RBMS3: variants seen among roughly 807,000 people sequenced by gnomAD.
RBMS3 encodes RNA-binding motif, single-stranded-interacting protein 3.
In RBMS3, 27 loss-of-function variants were observed where a neutral mutation model predicts 66.8. The observed-to-expected ratio is 0.40, with a 90% CI of 0.30 to 0.56. The LOEUF (loss-of-function observed/expected upper bound fraction) is 0.56, where lower values mean the gene tolerates loss of function less well. Among genes scored for constraint, RBMS3 ranks in the 20% least tolerant of loss-of-function variants. The probability of loss-of-function intolerance (pLI) is 0.40; values close to 1 mark genes in which losing one functional copy is unlikely to be tolerated. For synonymous variants in RBMS3, 188 were observed against 183.0 expected (o/e 1.03, Z -0.22); for missense variants, 513 against 549.5 (o/e 0.93, Z 0.66).
chr3:29,688,968 T>G (rs1334590649), intron 4 of RBMS3, among the ~76,000 whole-genome samples: 2 of 152,074 alleles, frequency 1.3e-5, no homozygotes, highest in Non-Finnish European at 2.9e-5. Flanking sequence ...GATTATGATT[T>G]GGCCTTTGCA....
At chr3:29,646,728 C>G (rs1275220470) in intron 4 of RBMS3, among the ~76,000 whole-genome samples, 2 of 151,042 alleles carry the variant, frequency 1.3e-5, no homozygotes, top group African/African-American at 4.9e-5. Context: ...CCCTTCCCTT[C>G]CCTGTCTCCT....
In RBMS3 at chr3:29,578,838, A is replaced by C. The variant is rs1008537392; in HGVS notation, c.308-8276A>C. ...GAGACGGAGTCTCGCTCTGTCGCCC[A>C]GGTCGGACTGCGGACTGCAGTGGCG... is the stretch of plus-strand genomic sequence containing the variant. On this transcript the variant is annotated intron_variant, in intron 3 of 14. Transcript: ENST00000383767. 5.9e-5 allele frequency among the ~76,000 whole-genome samples: 6 copies of C among 102,090 alleles called. 1 individual carries two copies. In the East Asian group the frequency reaches 3.3e-3, roughly 57 times the overall value. 67.0% of individuals were successfully genotyped at this position (102,090 alleles called of 152,430 possible). A position where few individuals can be genotyped will look rare whatever the true frequency, so the allele number is the denominator to read the frequency against.
chr3:29,922,010 C>G (rs527943713), intron 10 of RBMS3, among the ~76,000 whole-genome samples: 7 of 152,232 alleles, frequency 4.6e-5, no homozygotes, highest in Non-Finnish European at 8.8e-5. Flanking sequence ...GTGGTAGTAG[C>G]ATCACCCAGT....
At chr3:29,587,887 T>TCCC in intron 4 of RBMS3, among the ~76,000 whole-genome samples, 1 of 152,084 alleles carries the variant, frequency 6.6e-6, no homozygotes, top group Non-Finnish European at 1.5e-5. Context: ...TGTAATGTAT[T>TCCC]TTATTATCTA....
At chr3:29,775,594 T>TATC (rs2056401292) in intron 6 of RBMS3, among the ~76,000 whole-genome samples, 2 of 152,066 alleles carry the variant, frequency 1.3e-5, no homozygotes, top group South Asian at 4.1e-4. Context: ...GGAGCTGTGT[T>TATC]ATCATCATAA....
chr3:29,787,030 G>A (rs756144388), intron 6 of RBMS3, among the ~76,000 whole-genome samples: 1 of 152,002 alleles, frequency 6.6e-6, no homozygotes, highest in Non-Finnish European at 1.5e-5. Flanking sequence ...GACATGAATA[G>A]ACAATTCTCA....
intron 4 of RBMS3, among the ~76,000 whole-genome samples, chr3:29,720,802 C>T (rs2149320439): frequency 6.6e-6 from 1 of 151,968 alleles, no homozygotes; most frequent in South Asian, 2.1e-4. Flanking sequence ...CGGTCAACGA[C>T]ACTGTCTGTG....
intron 1 of RBMS3, among the ~76,000 whole-genome samples, chr3:29,330,547 T>C (rs570831525): frequency 1.3e-5 from 2 of 152,106 alleles, no homozygotes; most frequent in Non-Finnish European, 2.9e-5. Flanking sequence ...CCATTCTGGG[T>C]GGGTATCTAT....
At chr3:29,609,924 T>C (rs2048438404) in intron 4 of RBMS3, among the ~76,000 whole-genome samples, 1 of 152,080 alleles carries the variant, frequency 6.6e-6, no homozygotes, top group South Asian at 2.1e-4. Flanking sequence ...ATTATTAATA[T>C]ACATTTGCTT....
At chr3:29,981,032 T>G (rs1185621339) in intron 12 of RBMS3, among the ~76,000 whole-genome samples, 1 of 152,236 alleles carries the variant, frequency 6.6e-6, no homozygotes, top group Non-Finnish European at 1.5e-5. Flanking sequence ...AATATGGCTA[T>G]TTTCATGATA....
Position 30,003,967 on chromosome 3 carries a change from TTTGTTG to T in RBMS3, c.*117_*122del, listed in dbSNP as rs200049589. 3.0e-5 allele frequency: 31 copies of T among 1,024,992 alleles called. No individual in the cohort carries two copies. In the East Asian group the frequency reaches 8.6e-4, roughly 28 times the overall value. 63.5% of individuals were successfully genotyped at this position (1,024,992 alleles called of 1,614,324 possible). A position where few individuals can be genotyped will look rare whatever the true frequency, so the allele number is the denominator to read the frequency against. On this transcript the variant is annotated 3_prime_UTR_variant, in exon 15 of 15. Coordinates refer to ENST00000383767, the MANE Select transcript of RBMS3 (RefSeq NM_001003793.3). ...CACAGACGTCAATGGAATGCATTTTTTTGTTGTTGTTGTTGTTTTTTTTTTAGTGTT... is the reference window on the plus strand; with the variant it reads ...CACAGACGTCAATGGAATGCATTTTTTTGTTGTTGTTTTTTTTTTAGTGTT...
chr3:29,440,749 G>A (rs9846925), intron 2 of RBMS3, among the ~76,000 whole-genome samples: 18,528 of 152,188 alleles, frequency 0.12, 1,539 homozygotes, highest in African/African-American at 0.21. Flanking sequence ...ATTATAGTGC[G>A]TGCTGAACGC....
intron 7 of RBMS3, among the ~76,000 whole-genome samples, chr3:29,874,659 G>A (rs1476427538): frequency 6.6e-6 from 1 of 152,124 alleles, no homozygotes; most frequent in African/African-American, 2.4e-5. Context: ...CACCAGATAT[G>A]GTTGTATTTA....
Position 30,009,795 on chromosome 3 carries a change from C to T in RBMS3, c.*5933C>T, listed in dbSNP as rs917486679. On this transcript the variant is annotated 3_prime_UTR_variant, in exon 15 of 15. Transcript: ENST00000383767. ...AATTTAAACAATGTCCAAAGTGTAA[C>T]TTTAATGTTATATTTTGTTTCAAAC... 1.3e-5 allele frequency: 2 copies of T among 152,126 alleles called. No individual in the cohort carries two copies. The highest frequency in any genetic ancestry group is 4.8e-5 in the African/African-American group (2 of 41,428). 9.4% of individuals were successfully genotyped at this position (152,126 alleles called of 1,614,324 possible).
At chr3:29,352,926 CT>C (rs60099747) in intron 1 of RBMS3, among the ~76,000 whole-genome samples, 81 of 144,574 alleles carry the variant, frequency 5.6e-4, no homozygotes, top group Middle Eastern at 3.7e-3. Context: ...TACATTCATT[CT>C]TTTTTTTTTT....
At position 29,814,238 on chromosome 3, in the gene RBMS3, T is replaced by A. The variant is rs1483451234; in HGVS notation, c.637+51249T>A. Among the ~76,000 whole-genome samples, 6 of 152,062 alleles carry A rather than the reference T, an allele frequency of 3.9e-5. No homozygotes were observed. The East Asian group carries it at 1.2e-3, about 29-fold the overall frequency. Reference sequence around the variant, plus strand: ...GCCTTTTCTGCATCTATTGAGATAATCATGTGGTTTTTGTCTTTGGTTCTG... The same window carrying A: ...GCCTTTTCTGCATCTATTGAGATAAACATGTGGTTTTTGTCTTTGGTTCTG... On this transcript the variant is annotated intron_variant, in intron 6 of 14. Coordinates refer to ENST00000383767, the MANE Select transcript of RBMS3 (RefSeq NM_001003793.3).
chr3:29,624,394 T>C (rs1181893969), intron 4 of RBMS3, among the ~76,000 whole-genome samples: 2 of 152,154 alleles, frequency 1.3e-5, no homozygotes, highest in East Asian at 3.9e-4. Flanking sequence ...AGAATGAAAG[T>C]TAAAGGCCTT....
chr3:29,704,065 C>A lies in RBMS3; in HGVS notation c.400-35655C>A, dbSNP rs546559737. Among the ~76,000 whole-genome samples the A allele has an allele frequency of 2.6e-5, 4 of 152,300 alleles. No homozygotes were observed. In the South Asian group the frequency reaches 8.3e-4, roughly 32 times the overall value. ...TGTCTCTCATCAACCCCAGATTGGA[C>A]TGTCTAGTTGCAGGAAAACAAGCTC... On this transcript the variant is annotated intron_variant, in intron 4 of 14. Transcript: ENST00000383767.
At chr3:29,868,523 C>A (rs1033150898) in intron 6 of RBMS3, among the ~76,000 whole-genome samples, 1 of 152,142 alleles carries the variant, frequency 6.6e-6, no homozygotes, top group African/African-American at 2.4e-5. Flanking sequence ...AAATATTTAT[C>A]CACATATAAA....
Sources: allele counts gnomAD v4.1 joint callset (sites outside exome capture counted in the v4.1 genomes callset), GRCh38; gene constraint gnomAD v4.1.1; transcripts MANE v1.5; gene names NCBI Gene and HGNC (gene_info 2026-07-23, HGNC 2026-07-21).